The following SYNRG variants were observed in gnomAD, a reference collection of about 807,000 sequenced individuals.
SYNRG encodes the protein AP1 gamma subunit binding protein 1.
Under a neutral mutation model 130.9 loss-of-function variants are expected in SYNRG, and 37 were observed. The observed-to-expected ratio is 0.28, with a 90% CI of 0.22 to 0.37. SYNRG has a LOEUF of 0.37. Ranked by LOEUF, SYNRG falls within the 10% of genes least tolerant of loss-of-function variation. SYNRG has a pLI of 1.00. For missense variants in SYNRG, 1,338 were observed against 1,588.9 expected (o/e 0.84, Z 2.68); for synonymous variants, 539 against 568.1 (o/e 0.95, Z 0.73).
In SYNRG at chr17:37,600,351, G is replaced by C. The variant is rs752791882; in HGVS notation, c.118+12C>G. The stretch of plus-strand genomic sequence containing the variant: ...TGAAAAATAAAAGTTCAAAACTTAA[G>C]CTCTCACATACCTTGAGGGGGTCTT... On this transcript the variant is annotated intron_variant, in intron 2 of 21. Coordinates refer to ENST00000612223, the MANE Select transcript of SYNRG (RefSeq NM_007247.6). The C allele has an allele frequency of 1.3e-6, 2 of 1,578,678 alleles. No individual in the cohort carries two copies. Among genetic ancestry groups the C allele is most frequent in the Admixed American group, 4.0e-5 (2 of 50,534 alleles).
chr17:37,550,258 ATTC>A, intron 14 of SYNRG, among the ~76,000 whole-genome samples: 1 of 152,200 alleles, frequency 6.6e-6, no homozygotes, highest in East Asian at 1.9e-4. Context: ...TGTAAGGTTT[ATTC>A]TTATTTAAGT....
chr17:37,548,997 T>C (rs2058507557), intron 14 of SYNRG, among the ~76,000 whole-genome samples: 2 of 151,780 alleles, frequency 1.3e-5, no homozygotes, highest in African/African-American at 4.8e-5. Flanking sequence ...TAGCTGGGTG[T>C]GTTGGCATGT....
rs543381038 is a variant in SYNRG at position 37,539,083 on chromosome 17, C to G, written c.3420+109G>C. On this transcript the variant is annotated intron_variant, in intron 17 of 21. Coordinates refer to ENST00000612223, the MANE Select transcript of SYNRG (RefSeq NM_007247.6). ...GAGTTACTCTTTGCCCAGGGACATC[C>G]AAGTAAGGCTCTCCTGAAGTTTGCC... 12 of 1,533,130 alleles carry G rather than the reference C, an allele frequency of 7.8e-6. No individual in the cohort carries two copies. In the African/African-American group the frequency reaches 1.7e-4, roughly 21 times the overall value. 95.0% of individuals were successfully genotyped at this position (1,533,130 alleles called of 1,614,324 possible).
chr17:37,541,906 T>C, intron 15 of SYNRG, 66 bp downstream of exon 15: 1 of 1,421,302 alleles, frequency 7.0e-7, no homozygotes. Flanking sequence ...ATTTTATTCT[T>C]AAGAACATCT....
intron 7 of SYNRG, among the ~76,000 whole-genome samples, chr17:37,576,859 G>A (rs2060877227): frequency 6.6e-6 from 1 of 152,056 alleles, no homozygotes; most frequent in African/African-American, 2.4e-5. Flanking sequence ...TAAATATATA[G>A]GACTTTTGGG....
At chr17:37,579,685 G>GT (rs2061133460) in intron 6 of SYNRG, among the ~76,000 whole-genome samples, 1 of 152,068 alleles carries the variant, frequency 6.6e-6, no homozygotes, top group Non-Finnish European at 1.5e-5. Context: ...TTCAAAAAAG[G>GT]TAAAACTAAA....
chr17:37,542,281 C>G lies in SYNRG; in HGVS notation c.2893G>C (p.Ala965Pro), dbSNP rs552723719. Residue 965 changes from alanine (A) to proline (P), a missense_variant, in exon 15 of 22, where the codon GCC becomes CCC. This residue lies in a region of SYNRG where 1,146 missense variants were observed against 1,342.3 expected (regional missense o/e 0.85). Coordinates refer to ENST00000612223, the MANE Select transcript of SYNRG (RefSeq NM_007247.6). ...ALPETTFPAL[A>P]SFKDTIPQTS... ...TGAGGAATCGTGTCTTTAAAACTGG[C>G]AAGAGCTGGGAAGGTGGTCTCTGGA... 13 of 1,614,170 alleles carry G rather than the reference C, an allele frequency of 8.1e-6. No individual in the cohort carries two copies. The African/African-American group carries it at 1.6e-4, about 20-fold the overall frequency.
intron 19 of SYNRG, among the ~76,000 whole-genome samples, chr17:37,535,429 AG>A (rs985233908): frequency 6.6e-6 from 1 of 152,270 alleles, no homozygotes; most frequent in Non-Finnish European, 1.5e-5. Context: ...ATGTAACAAC[AG>A]CTACATACGC....
intron 11 of SYNRG, among the ~76,000 whole-genome samples, chr17:37,563,881 G>C (rs1403063053): frequency 2.0e-5 from 3 of 148,560 alleles, no homozygotes; most frequent in South Asian, 4.2e-4. Flanking sequence ...TTCTTACTCT[G>C]TCTCCCAGGC....
In SYNRG at chr17:37,590,573, C is replaced by T. The variant is rs113869624; in HGVS notation, c.241-4024G>A. Among the ~76,000 whole-genome samples, 963 of 152,148 alleles carry T rather than the reference C, an allele frequency of 6.3e-3. 8 individuals are homozygous for T. The highest frequency in any genetic ancestry group is 0.037 in the Middle Eastern group (11 of 294). Reference sequence around the variant, plus strand: ...AAGGGTACATACGTAAAATTTAAAACCTAGGAAATATGATATATTGCTCAT... The same window carrying T: ...AAGGGTACATACGTAAAATTTAAAATCTAGGAAATATGATATATTGCTCAT... On this transcript the variant is annotated intron_variant, in intron 3 of 21. Coordinates refer to ENST00000612223, the MANE Select transcript of SYNRG (RefSeq NM_007247.6).
chr17:37,603,351 TAATAAC>T (rs1421536445), intron 1 of SYNRG, among the ~76,000 whole-genome samples: 2 of 151,962 alleles, frequency 1.3e-5, no homozygotes, highest in African/African-American at 4.8e-5. Flanking sequence ...AAAATAATAA[TAATAAC>T]AACAACAACA....
At chr17:37,582,427 A>T (rs1359631745) in intron 6 of SYNRG, among the ~76,000 whole-genome samples, 1 of 152,126 alleles carries the variant, frequency 6.6e-6, no homozygotes, top group Non-Finnish European at 1.5e-5. Context: ...TTTTAAATGG[A>T]CCCTATTTCC....
At chr17:37,605,953 C>G in intron 1 of SYNRG, 3 of 985,406 alleles carry the variant, frequency 3.0e-6, no homozygotes, top group Non-Finnish European at 3.6e-6. Context: ...ACTCTGGTTT[C>G]TAATTCATCT....
At chr17:37,594,288 TATTA>T (rs1231023273) in intron 3 of SYNRG, among the ~76,000 whole-genome samples, 2 of 147,208 alleles carry the variant, frequency 1.4e-5, no homozygotes, top group Non-Finnish European at 3.0e-5. Context: ...ATTTTAATTA[TATTA>T]ATTACAATAT....
chr17:37,574,991 T>C (rs568380729), intron 8 of SYNRG, among the ~76,000 whole-genome samples: 2 of 152,278 alleles, frequency 1.3e-5, no homozygotes, highest in East Asian at 3.9e-4. Context: ...GATCCTGTCA[T>C]TTCCAACAAC....
chr17:37,566,716 CAT>C (rs1478990185), intron 11 of SYNRG: 5 of 152,082 alleles, frequency 3.3e-5, no homozygotes, highest in African/African-American at 1.2e-4. Flanking sequence ...GCTAATATCC[CAT>C]ATATCTCAGG....
At chr17:37,588,258 C>CTTTTTTT (rs35767898) in intron 3 of SYNRG, among the ~76,000 whole-genome samples, 1 of 103,206 alleles carries the variant, frequency 9.7e-6, no homozygotes, top group Non-Finnish European at 1.9e-5. Flanking sequence ...ACTTTAAATT[C>CTTTTTTT]TTTTTTTTTT....
At chr17:37,533,445 G>C (rs980009000) in intron 19 of SYNRG, among the ~76,000 whole-genome samples, 1 of 149,482 alleles carries the variant, frequency 6.7e-6, no homozygotes, top group African/African-American at 2.4e-5. Flanking sequence ...GTGCAGAATA[G>C]ATTGCTAGGA....
At chr17:37,554,159 C>T (rs1598305169) in intron 13 of SYNRG, 100 bp from the exon 14 acceptor site, 1 of 1,062,122 alleles carries the variant, frequency 9.4e-7, no homozygotes, top group East Asian at 2.6e-5. Flanking sequence ...TGACTTTTCT[C>T]CACTGACTTG....
Sources: allele counts gnomAD v4.1 joint callset (sites outside exome capture counted in the v4.1 genomes callset), GRCh38; gene constraint gnomAD v4.1.1; regional missense constraint gnomAD v4.1.1; transcripts MANE v1.5; gene names NCBI Gene and HGNC (gene_info 2026-07-23, HGNC 2026-07-21).